Variants in CCL23 observed in about 807,000 individuals in gnomAD.
CCL23 encodes the protein C-C motif chemokine 23.
In CCL23, 10 loss-of-function variants were observed where a neutral mutation model predicts 11.8. That is an observed-to-expected ratio of 0.84 (90% confidence interval 0.52 to 1.43). CCL23 has a LOEUF of 1.43. CCL23 is among the 40% of genes most tolerant of loss of function. The pLI is 0.00. For synonymous variants in CCL23, 60 were observed against 61.0 expected, an observed-to-expected ratio of 0.98 and a Z score of 0.07; for missense variants, 181 against 170.9, an observed-to-expected ratio of 1.06 and a Z score of -0.33.
intron 3 of CCL23, chr17:36,013,532 T>C (rs542129093): frequency 1.8e-5 from 11 of 622,306 alleles, no homozygotes; most frequent in Non-Finnish European, 2.5e-5. Context: ...TTGGGCAGAC[T>C]TGTGCCTGCT....
At chr17:36,016,692 A>T (rs1236612029) in intron 1 of CCL23, among the ~76,000 whole-genome samples, 1 of 150,012 alleles carries the variant, frequency 6.7e-6, no homozygotes, top group Non-Finnish European at 1.5e-5. Context: ...TTAAAAATAA[A>T]TATACTTTTA....
At chr17:36,016,527 T>G (rs1054383122) in intron 1 of CCL23, among the ~76,000 whole-genome samples, 5 of 152,216 alleles carry the variant, frequency 3.3e-5, no homozygotes, top group Non-Finnish European at 5.9e-5. Context: ...GGCTGCATAG[T>G]ATTCCATGGT....
In CCL23 at chr17:36,014,317, C is replaced by T. The variant is rs767394930; in HGVS notation, c.136+17G>A. ...CTGCTGGCTGCTTTTAAATATATGC[C>T]GTATCTGATCACTTACTGTCCAGAA... On this transcript the variant is annotated intron_variant, in intron 2 of 3. Transcript: ENST00000615050. 58 of 1,586,998 alleles carry T rather than the reference C, an allele frequency of 3.7e-5. No homozygotes were observed. In the East Asian group the frequency reaches 8.0e-4, roughly 22 times the overall value.
intron 1 of CCL23, among the ~76,000 whole-genome samples, chr17:36,014,642 C>T (rs539350973): frequency 1.3e-5 from 2 of 152,054 alleles, no homozygotes; most frequent in South Asian, 4.2e-4. Flanking sequence ...CTAAAAGAAA[C>T]CTCAAAATCT....
In CCL23 at chr17:36,014,901, A is replaced by C. The variant is rs535577524; in HGVS notation, c.77-508T>G. Reference sequence around the variant, plus strand: ...ATACTGTTCCCAGGCCTCATCAGGGATAAGTACCATCAATATATGTTTAAG... The same window carrying C: ...ATACTGTTCCCAGGCCTCATCAGGGCTAAGTACCATCAATATATGTTTAAG... On this transcript the variant is annotated intron_variant, in intron 1 of 3. Coordinates refer to ENST00000615050, the MANE Select transcript of CCL23 (RefSeq NM_005064.6). Among the ~76,000 whole-genome samples, 4 of 152,302 alleles carry C rather than the reference A, an allele frequency of 2.6e-5. No homozygotes were observed. In the South Asian group the frequency reaches 6.2e-4, roughly 24 times the overall value.
At chr17:36,015,509 G>T (rs1011063644) in intron 1 of CCL23, among the ~76,000 whole-genome samples, 1 of 152,096 alleles carries the variant, frequency 6.6e-6, no homozygotes, top group African/African-American at 2.4e-5. Context: ...AATTATTTTG[G>T]ATATATACCC....
chr17:36,016,701 TA>T (rs920227463), intron 1 of CCL23, among the ~76,000 whole-genome samples: 61 of 149,722 alleles, frequency 4.1e-4, no homozygotes, highest in African/African-American at 1.4e-3. Flanking sequence ...AATATACTTT[TA>T]ATATAATTTA....
chr17:36,015,705 T>C (rs897669218), intron 1 of CCL23, among the ~76,000 whole-genome samples: 18 of 152,204 alleles, frequency 1.2e-4, no homozygotes, highest in Non-Finnish European at 4.4e-5. Context: ...TTAAAGTTAG[T>C]TTATTTCCAC....
chr17:36,016,459 T>C (rs943103245), intron 1 of CCL23, among the ~76,000 whole-genome samples: 9 of 152,294 alleles, frequency 5.9e-5, no homozygotes, highest in Middle Eastern at 6.8e-3. Flanking sequence ...TTGCTGAGGA[T>C]GATGGTTTCC....
At chr17:36,017,463 G>C (rs1014185662) in intron 1 of CCL23, among the ~76,000 whole-genome samples, 1 of 152,114 alleles carries the variant, frequency 6.6e-6, no homozygotes, top group African/African-American at 2.4e-5. Flanking sequence ...CTACTAGATG[G>C]TATGTAACAG....
chr17:36,014,349 G>A lies in CCL23; in HGVS notation c.121C>T (p.Pro41Ser). 6.2e-7 allele frequency: 1 copy of A among 1,613,118 alleles called. No homozygotes were observed. The highest frequency in any genetic ancestry group is 8.5e-7 in the Non-Finnish European group (1 of 1,179,006). Residue 41 changes from proline to serine, a missense_variant, in exon 2 of 4, where the codon CCA becomes TCA. Coordinates refer to ENST00000615050, the MANE Select transcript of CCL23 (RefSeq NM_005064.6). Reference sequence around the variant, plus strand: ...GATCACTTACTGTCCAGAAGTACTGGATTTTCCAATGGAAGCTTTGACATC... The same window carrying A: ...GATCACTTACTGTCCAGAAGTACTGAATTTTCCAATGGAAGCTTTGACATC... ...FMMSKLPLENPVLLDMLWRRK... is the reference protein window; with the variant it reads ...FMMSKLPLENSVLLDMLWRRK...
chr17:36,013,696 T>C, intron 3 of CCL23, 48 bp downstream of exon 3: 1 of 1,598,006 alleles, frequency 6.3e-7, no homozygotes, highest in South Asian at 1.1e-5. Flanking sequence ...TGCAAGATGC[T>C]ACAGAGTCCT....
At chr17:36,013,557 C>T in intron 3 of CCL23, 187 bp downstream of exon 3, 1 of 637,860 alleles carries the variant, frequency 1.6e-6, no homozygotes, top group Non-Finnish European at 2.7e-6. Flanking sequence ...TCTTCCTTCC[C>T]CACCCTTTTC....
chr17:36,017,597 A>C (rs888612995), intron 1 of CCL23, among the ~76,000 whole-genome samples: 1 of 152,190 alleles, frequency 6.6e-6, no homozygotes, highest in Non-Finnish European at 1.5e-5. Context: ...TTTGCTGTGA[A>C]AAGGGAAATG....
Position 36,013,270 on chromosome 17 carries a change from G to A in CCL23, c.341C>T (p.Pro114Leu). The A allele has an allele frequency of 6.2e-7, 1 of 1,613,878 alleles. No homozygotes were observed. ...GCAAACCTGAACTTGCTTATCACTG[G>A]GGTTGGCACAGAAACGTCGCCCCTT... is the stretch of plus-strand genomic sequence containing the variant. The part of the protein sequence containing the change: ...TKKGRRFCAN[P>L]SDKQVQVCMR... Residue 114 changes from proline (P) to leucine (L), a missense_variant, in exon 4 of 4, where the codon CCC (proline) becomes CTC (leucine). By Grantham distance (98) the Pro-to-Leu change is moderately conservative. Transcript: ENST00000615050.
intron 1 of CCL23, among the ~76,000 whole-genome samples, chr17:36,014,713 C>T (rs2090085266): frequency 1.3e-5 from 2 of 152,238 alleles, no homozygotes; most frequent in South Asian, 4.1e-4. Flanking sequence ...TCTCTCTACA[C>T]ATTTCTGGAA....
intron 2 of CCL23, 137 bp downstream of exon 2, chr17:36,014,187 AGCCCGTCCTG>A: frequency 2.1e-6 from 1 of 483,092 alleles, no homozygotes; most frequent in Non-Finnish European, 3.5e-6. Context: ...GGGTTCCCAT[AGCCCGTCCTG>A]ATCTTCCTTG....
intron 1 of CCL23, 83 bp from the exon 2 acceptor site, chr17:36,014,476 C>T (rs2090083405): frequency 2.9e-6 from 3 of 1,047,266 alleles, no homozygotes; most frequent in Admixed American, 1.8e-5. Context: ...ATTGCTCATC[C>T]TCCTCCTGAG....
chr17:36,017,678 A>G, intron 1 of CCL23, 144 bp downstream of exon 1: 1 of 724,880 alleles, frequency 1.4e-6, no homozygotes, highest in Non-Finnish European at 2.3e-6. Flanking sequence ...AGACAGAACC[A>G]GGTCTATACT....
Sources: allele counts gnomAD v4.1 joint callset (sites outside exome capture counted in the v4.1 genomes callset), GRCh38; gene constraint gnomAD v4.1.1; transcripts MANE v1.5; gene names NCBI Gene and HGNC (gene_info 2026-07-23, HGNC 2026-07-21).